ATAD3B: variants seen among roughly 807,000 people sequenced by gnomAD.
ATAD3B encodes ATPase family AAA domain containing 3B, also known as ATPase family AAA domain-containing protein 3B.
ATAD3B carries 59 observed loss-of-function variants against 70.2 expected under a neutral mutation model. The ratio of observed to expected loss-of-function variants is 0.84; its 90% CI spans 0.68 to 1.04. The LOEUF is 1.04. Among genes scored for constraint, ATAD3B ranks in the 50% least tolerant of loss-of-function variants. ATAD3B has a pLI of 0.00. For missense variants in ATAD3B, 961 were observed against 913.4 expected (o/e 1.05, Z -0.67); for synonymous variants, 423 against 388.6 (o/e 1.09, Z -1.04).
At chr1:1,488,680 A>G (rs1640368352) in intron 12 of ATAD3B, among the ~76,000 whole-genome samples, 2 of 151,794 alleles carry the variant, frequency 1.3e-5, no homozygotes, top group African/African-American at 4.8e-5. Context: ...AATCGCTTGA[A>G]CCCAGGAGGC....
rs1640243356 is a variant in ATAD3B at position 1,486,737 on chromosome 1, G to A, written c.1214+69G>A. 4 of 1,484,488 alleles carry A rather than the reference G, an allele frequency of 2.7e-6. No homozygotes were observed. In the South Asian group the frequency reaches 4.0e-5, roughly 15 times the overall value. 92.0% of individuals were successfully genotyped at this position (1,484,488 alleles called of 1,614,324 possible). A position where few individuals can be genotyped will look rare whatever the true frequency, so the allele number is the denominator to read the frequency against. On this transcript the variant is annotated intron_variant, in intron 11 of 15. Transcript: ENST00000673477. ...CAGCAGGCTGCCTTCTGGGAAGGGG[G>A]TCCAGGTGTCTCTTGGGGACCCTGT...
chr1:1,483,333 G>C (rs1640025787), intron 7 of ATAD3B, among the ~76,000 whole-genome samples: 1 of 151,734 alleles, frequency 6.6e-6, no homozygotes, highest in Non-Finnish European at 1.5e-5. Flanking sequence ...AGGCCAAGGT[G>C]GCGTGCGCCT....
Position 1,482,092 on chromosome 1 carries a change from CGTGCTGCACTGCATG to C in ATAD3B, c.515-39_515-25del. The C allele has an allele frequency of 1.9e-6, 3 of 1,582,960 alleles. 1 individual carries two copies. The South Asian group carries it at 3.4e-5, about 18-fold the overall frequency. ...GGTCCACAGTGTGGGTGGAGGTGGA[CGTGCTGCACTGCATG>C]GTGCTGAGCTGCCCTGCCTCTCTGG... On this transcript the variant is annotated intron_variant, in intron 5 of 15. Coordinates refer to ENST00000673477, the MANE Select transcript of ATAD3B (RefSeq NM_031921.6).
chr1:1,495,443 G>A lies in ATAD3B; in HGVS notation c.1615-42G>A, dbSNP rs547494592. ...CCCTGGCGTGCATTAAGGGTGGCGGGTTCCCATAGCGGCCTCCCTCAGCTC... is the reference window on the plus strand; with the variant it reads ...CCCTGGCGTGCATTAAGGGTGGCGGATTCCCATAGCGGCCTCCCTCAGCTC... On this transcript the variant is annotated intron_variant, in intron 15 of 15. Transcript: ENST00000673477. 4.1e-5 allele frequency: 64 copies of A among 1,557,962 alleles called. 5 individuals carry two copies. In the South Asian group the frequency reaches 7.2e-4, roughly 18 times the overall value.
chr1:1,484,934 G>A, intron 7 of ATAD3B, 82 bp from the exon 8 acceptor site: 3 of 1,505,964 alleles, frequency 2.0e-6, no homozygotes, highest in Admixed American at 2.0e-5. Context: ...CGGAGAGAGG[G>A]TGGGGGCAGC....
chr1:1,507,032 C>T, the ATAD3B span, among the ~76,000 whole-genome samples: 1 of 151,754 alleles, frequency 6.6e-6, no homozygotes, highest in Non-Finnish European at 1.5e-5. Context: ...CGTGATCTGC[C>T]CGCTTCAGCC....
rs1394473471 is a variant in ATAD3B, at chr1:1,477,872, ATGT to A, written c.282+526_282+528del. ...AGGCACGCGCCACCACGCCTGGCTA[ATGT>A]TGTATTTTAGTAGAGACGGGGTTTC... On this transcript the variant is annotated intron_variant, in intron 2 of 15. Transcript: ENST00000673477. Among the ~76,000 whole-genome samples, 4 of 152,016 alleles carry A rather than the reference ATGT, an allele frequency of 2.6e-5. No homozygotes were observed. The East Asian group carries it at 5.8e-4, about 22-fold the overall frequency.
chr1:1,490,660 G>A lies in ATAD3B; in HGVS notation c.1603G>A (p.Val535Met), dbSNP rs140391164. ...GGGCCGGGAGATCGCTCAGCTGGCCGTGTCCTGGCAGGTGAGTCAGGCTCC... is the reference window on the plus strand; with the variant it reads ...GGGCCGGGAGATCGCTCAGCTGGCCATGTCCTGGCAGGTGAGTCAGGCTCC... ...MSGREIAQLA[V>M]SWQATAYASK... Residue 535 changes from valine to methionine, a missense_variant, in exon 15 of 16, where the codon GTG becomes ATG. By Grantham distance (21) the Val-to-Met change is conservative. Around this residue, in one of 4 missense-constraint regions of ATAD3B, gnomAD observed 417 missense variants for 335.0 expected, o/e 1.24. Transcript: ENST00000673477. 3.2e-5 allele frequency: 51 copies of A among 1,591,656 alleles called. No homozygotes were observed. The highest frequency in any genetic ancestry group is 3.3e-4 in the Middle Eastern group (2 of 6,048).
rs1033177296 is a variant in ATAD3B, at chr1:1,489,664, G to C, written c.1337+390G>C. ...TCCCTCCCAAATCCCTTAATTTTGA[G>C]TTTTCTTGGTCTCCTGGGCCCCTCC... On this transcript the variant is annotated intron_variant, in intron 13 of 15. Transcript: ENST00000673477. The C allele has an allele frequency of 3.8e-6, 5 of 1,327,008 alleles. 1 individual carries two copies. Among genetic ancestry groups the C allele is most frequent in the Non-Finnish European group, 5.0e-6 (5 of 1,005,052 alleles). 82.2% of individuals were successfully genotyped at this position (1,327,008 alleles called of 1,614,324 possible).
Position 1,471,774 on chromosome 1 carries a change from G to T in ATAD3B, c.-111G>T. Reference sequence around the variant, plus strand: ...GGAGGAAGGGGTGTGTGTTTCGCCTGCGCAGTGGTCCTGGCCACCGGCTCG... The same window carrying T: ...GGAGGAAGGGGTGTGTGTTTCGCCTTCGCAGTGGTCCTGGCCACCGGCTCG... On this transcript the variant is annotated 5_prime_UTR_variant, in exon 1 of 16. Transcript: ENST00000673477. The T allele has an allele frequency of 8.3e-7, 1 of 1,208,862 alleles. No homozygotes were observed. The highest frequency in any genetic ancestry group is 1.0e-6 in the Non-Finnish European group (1 of 969,254). The allele number at this position is 1,208,862 out of a possible 1,614,324, so 74.9% of individuals were successfully genotyped here.
chr1:1,488,301 G>A (rs1640345782), intron 12 of ATAD3B, among the ~76,000 whole-genome samples: 1 of 152,034 alleles, frequency 6.6e-6, no homozygotes, highest in East Asian at 1.9e-4. Context: ...CCAGGCTGGA[G>A]TGCAGGGGCG....
intron 1 of ATAD3B, 114 bp downstream of exon 1, chr1:1,472,203 C>T: frequency 1.4e-6 from 2 of 1,395,764 alleles, no homozygotes; most frequent in Non-Finnish European, 9.4e-7. Context: ...CCGGGCGAGA[C>T]TGCGCCCCCG....
chr1:1,484,727 C>A (rs1640107495), intron 7 of ATAD3B: 1 of 641,238 alleles, frequency 1.6e-6, no homozygotes, highest in Non-Finnish European at 2.5e-6. Context: ...CTGTGACATC[C>A]AGCTGGGTCT....
At chr1:1,488,431 T>C (rs1341907705) in intron 12 of ATAD3B, among the ~76,000 whole-genome samples, 2 of 151,992 alleles carry the variant, frequency 1.3e-5, no homozygotes, top group Non-Finnish European at 2.9e-5. Flanking sequence ...TTTCCCACAT[T>C]GTCCAGGCAG....
At chr1:1,486,056 C>T (rs1191466095) in intron 9 of ATAD3B, 54 bp from the exon 10 acceptor site, 14 of 1,611,020 alleles carry the variant, frequency 8.7e-6, no homozygotes, top group Middle Eastern at 1.7e-4. Context: ...CCCCTGTCAC[C>T]GAGGCTTCCG....
downstream of ATAD3B, among the ~76,000 whole-genome samples, chr1:1,499,011 G>T (rs191362758): frequency 1.4e-5 from 2 of 147,880 alleles, no homozygotes; most frequent in Admixed American, 1.4e-4. Context: ...TCATGCTGTC[G>T]CCTAGGCTGG....
At chr1:1,507,432 G>C in the ATAD3B span, among the ~76,000 whole-genome samples, 2 of 152,330 alleles carry the variant, frequency 1.3e-5, no homozygotes, top group Admixed American at 1.3e-4. Context: ...AGAGGGTCAT[G>C]TGGTTTCCTT....
At chr1:1,502,989 C>T in the ATAD3B span, among the ~76,000 whole-genome samples, 27 of 151,138 alleles carry the variant, frequency 1.8e-4, no homozygotes, top group African/African-American at 6.5e-4. Flanking sequence ...CTTTGGGAGG[C>T]CGAGGCAGGT....
At chr1:1,487,097 G>GCA (rs1393734373) in intron 11 of ATAD3B, among the ~76,000 whole-genome samples, 4 of 152,070 alleles carry the variant, frequency 2.6e-5, no homozygotes, top group Admixed American at 1.3e-4. Context: ...CCCGCGCAGG[G>GCA]CACAGCCCGG....
Sources: allele counts gnomAD v4.1 joint callset (sites outside exome capture counted in the v4.1 genomes callset), GRCh38; gene constraint gnomAD v4.1.1; regional missense constraint gnomAD v4.1.1; transcripts MANE v1.5; gene names NCBI Gene and HGNC (gene_info 2026-07-23, HGNC 2026-07-21).